Variants in STK32B observed in about 807,000 individuals in gnomAD.
The protein encoded by STK32B is serine/threonine kinase 32B.
A neutral mutation model predicts 52.6 loss-of-function variants in STK32B; 43 were observed. That is an observed-to-expected ratio of 0.82 (90% CI 0.64 to 1.05). The LOEUF is 1.05. Ranked by LOEUF, STK32B falls within the 50% of genes least tolerant of loss-of-function variation. The pLI is 0.00. For missense variants in STK32B, 621 were observed against 534.6 expected, an observed-to-expected ratio of 1.16 and a Z score of -1.59; for synonymous variants, 238 against 204.3, an observed-to-expected ratio of 1.17 and a Z score of -1.41.
chr4:5,334,302 G>A (rs1216258335), intron 4 of STK32B, among the ~76,000 whole-genome samples: 1 of 152,000 alleles, frequency 6.6e-6, no homozygotes, highest in Non-Finnish European at 1.5e-5. Context: ...GTATAAGAAT[G>A]CTTGTGATTT....
At chr4:5,390,780 A>C (rs748295767) in intron 4 of STK32B, among the ~76,000 whole-genome samples, 10 of 152,044 alleles carry the variant, frequency 6.6e-5, no homozygotes, top group Non-Finnish European at 1.2e-4. Context: ...CAGAAGTCCA[A>C]TATCAAGATG....
chr4:5,145,379 A>G (rs1358731532), intron 2 of STK32B, among the ~76,000 whole-genome samples: 14 of 152,214 alleles, frequency 9.2e-5, no homozygotes, highest in Admixed American at 9.2e-4. Context: ...TGTACATACA[A>G]CAGAATGAAC....
intron 4 of STK32B, among the ~76,000 whole-genome samples, chr4:5,385,027 C>A (rs552407821): frequency 1.3e-5 from 2 of 152,178 alleles, no homozygotes; most frequent in African/African-American, 4.8e-5. Flanking sequence ...GTGAAACCCT[C>A]GAGTCGTGGT....
chr4:5,244,670 G>A (rs1000653240), intron 3 of STK32B, among the ~76,000 whole-genome samples: 1 of 151,970 alleles, frequency 6.6e-6, no homozygotes, highest in Non-Finnish European at 1.5e-5. Context: ...TGTGATGTTA[G>A]GGTGTCAATT....
At chr4:5,377,926 C>G (rs1735686640) in intron 4 of STK32B, among the ~76,000 whole-genome samples, 1 of 152,092 alleles carries the variant, frequency 6.6e-6, no homozygotes, top group Non-Finnish European at 1.5e-5. Flanking sequence ...TGGACTAATA[C>G]AACCATAAAA....
At chr4:5,184,695 A>AAGAAG (rs1553846539) in intron 3 of STK32B, among the ~76,000 whole-genome samples, 3 of 137,560 alleles carry the variant, frequency 2.2e-5, no homozygotes, top group African/African-American at 8.1e-5. Flanking sequence ...AAAAAAAAAA[A>AAGAAG]AAGAAGAAGA....
At chr4:5,321,541 C>T (rs1335938184) in intron 3 of STK32B, among the ~76,000 whole-genome samples, 2 of 152,170 alleles carry the variant, frequency 1.3e-5, no homozygotes, top group African/African-American at 4.8e-5. Flanking sequence ...CTGTCTGTCC[C>T]CGTGAACAGT....
chr4:5,156,536 C>T (rs1053511369), intron 2 of STK32B, among the ~76,000 whole-genome samples: 1 of 152,258 alleles, frequency 6.6e-6, no homozygotes, highest in African/African-American at 2.4e-5. Context: ...GGAGCGTCCA[C>T]GGTGAAGTGC....
chr4:5,100,661 ATTCT>A (rs1163831634), intron 1 of STK32B, among the ~76,000 whole-genome samples: 38 of 54,762 alleles, frequency 6.9e-4, no homozygotes, highest in East Asian at 2.5e-3. Context: ...TTTCTCTTTC[ATTCT>A]TTCTTTCTTT....
At position 5,400,548 on chromosome 4, in the gene STK32B, A is replaced by T. The variant is rs551083933; in HGVS notation, c.472+2304A>T. Among the ~76,000 whole-genome samples, 2 of 152,304 alleles carry T rather than the reference A, an allele frequency of 1.3e-5. No homozygotes were observed. Among genetic ancestry groups the T allele is most frequent in the South Asian group, 4.1e-4 (2 of 4,824 alleles). ...GCTAGCTGGTGGGACAGAGCGTTGA[A>T]TATAATATTTCATACTGTGAGGTGA... is the stretch of plus-strand genomic sequence containing the variant. On this transcript the variant is annotated intron_variant, in intron 5 of 11. Coordinates refer to ENST00000282908, the MANE Select transcript of STK32B (RefSeq NM_018401.3). The surrounding 1 kb of genome is among the most constrained non-coding windows in gnomAD (Gnocchi z 6.1).
intron 4 of STK32B, among the ~76,000 whole-genome samples, chr4:5,342,793 G>A (rs1733174826): frequency 6.6e-6 from 1 of 152,064 alleles, no homozygotes; most frequent in Non-Finnish European, 1.5e-5. Flanking sequence ...TATAATGCCT[G>A]GCACATAGTA....
chr4:5,254,518 G>A (rs1726165412), intron 3 of STK32B, among the ~76,000 whole-genome samples: 1 of 151,904 alleles, frequency 6.6e-6, no homozygotes, highest in African/African-American at 2.4e-5. Context: ...TGCACTTAAG[G>A]TGATAATTTT....
At chr4:5,420,367 G>C (rs1712522963) in intron 6 of STK32B, among the ~76,000 whole-genome samples, 1 of 152,142 alleles carries the variant, frequency 6.6e-6, no homozygotes, top group Admixed American at 6.5e-5. Context: ...GAAGGACCTG[G>C]AGCTGGGGCA....
At chr4:5,494,958 T>C (rs893375759) in intron 11 of STK32B, among the ~76,000 whole-genome samples, 3 of 152,358 alleles carry the variant, frequency 2.0e-5, no homozygotes, top group South Asian at 4.1e-4. Flanking sequence ...GTTAGTCTGA[T>C]GGGCTTCCCT....
At chr4:5,314,494 AC>A (rs1421778537) in intron 3 of STK32B, among the ~76,000 whole-genome samples, 4 of 152,096 alleles carry the variant, frequency 2.6e-5, no homozygotes, top group African/African-American at 9.7e-5. Context: ...ACACGTTGAA[AC>A]CCTGTCTCTA....
chr4:5,343,152 G>A (rs1006840501), intron 4 of STK32B, among the ~76,000 whole-genome samples: 6 of 129,200 alleles, frequency 4.6e-5, no homozygotes, highest in East Asian at 2.3e-4. Context: ...TCCTGTGTCC[G>A]TGTGTTCTCA....
In STK32B at chr4:5,317,250, ATAACATATAAC is replaced by A. The variant is rs1406721490; in HGVS notation, c.261-13969_261-13959del. Among the ~76,000 whole-genome samples the A allele has an allele frequency of 4.2e-5, 2 of 47,760 alleles. 1 individual carries two copies. The highest frequency in any genetic ancestry group is 3.4e-4 in the African/African-American group (2 of 5,854). 31.3% of individuals were successfully genotyped at this position (47,760 alleles called of 152,430 possible). On this transcript the variant is annotated intron_variant, in intron 3 of 11. Transcript: ENST00000282908. ...TATATATAACATATATATATTATATATAACATATAACATATATATAATATATAACATATAAC... is the reference window on the plus strand; with the variant it reads ...TATATATAACATATATATATTATATAATATATATAATATATAACATATAAC...
At chr4:5,313,799 G>A (rs1730474984) in intron 3 of STK32B, among the ~76,000 whole-genome samples, 1 of 151,984 alleles carries the variant, frequency 6.6e-6, no homozygotes, top group Admixed American at 6.6e-5. Context: ...TACTGACAAC[G>A]AACATGTGGA....
chr4:5,194,297 T>G (rs577356893), intron 3 of STK32B, among the ~76,000 whole-genome samples: 67 of 152,238 alleles, frequency 4.4e-4, no homozygotes, highest in African/African-American at 1.4e-3. Context: ...ATGTATGTTA[T>G]GTTGAATTAG....
Sources: allele counts gnomAD v4.1 joint callset (sites outside exome capture counted in the v4.1 genomes callset), GRCh38; gene constraint gnomAD v4.1.1; non-coding constraint Gnocchi (gnomAD v3.1); transcripts MANE v1.5; gene names NCBI Gene and HGNC (gene_info 2026-07-23, HGNC 2026-07-21).